The following PCSK5 variants were observed in gnomAD, a reference collection of about 807,000 sequenced individuals.
PCSK5 encodes the protein prohormone convertase 5.
PCSK5 carries 129 observed loss-of-function variants against 233.2 expected under a neutral mutation model. The ratio of observed to expected loss-of-function variants is 0.55; its 90% CI spans 0.48 to 0.64. The LOEUF is 0.64. Ranked by LOEUF, PCSK5 falls within the 30% of genes least tolerant of loss-of-function variation. The pLI is 0.00. For missense variants in PCSK5, 2,076 were observed against 2,430.1 expected, an observed-to-expected ratio of 0.85 and a Z score of 3.06; for synonymous variants, 825 against 879.2, an observed-to-expected ratio of 0.94 and a Z score of 1.09.
At chr9:76,095,749 A>G in intron 7 of PCSK5, 141 bp from the exon 8 acceptor site, 2 of 677,404 alleles carry the variant, frequency 3.0e-6, no homozygotes, top group South Asian at 3.7e-5. Flanking sequence ...CTCTTACTCC[A>G]CTCCCAGAAG....
At chr9:76,294,924 G>C (rs1051481809) in intron 25 of PCSK5, among the ~76,000 whole-genome samples, 2 of 152,070 alleles carry the variant, frequency 1.3e-5, no homozygotes, top group Non-Finnish European at 2.9e-5. Context: ...AGGCAGAGGT[G>C]GGCAGATCCC....
chr9:76,205,417 G>T (rs915927968), intron 20 of PCSK5, among the ~76,000 whole-genome samples: 2 of 152,162 alleles, frequency 1.3e-5, no homozygotes, highest in Non-Finnish European at 2.9e-5. Flanking sequence ...AAAAAAAACT[G>T]ATGAACAGGT....
intron 1 of PCSK5, among the ~76,000 whole-genome samples, chr9:75,892,777 C>G (rs1191376650): frequency 6.6e-6 from 1 of 152,144 alleles, no homozygotes; most frequent in African/African-American, 2.4e-5. Context: ...TTCAGAGGAG[C>G]AAGAGCACAA....
chr9:76,140,383 A>G (rs1373999524), intron 10 of PCSK5, among the ~76,000 whole-genome samples: 1 of 152,076 alleles, frequency 6.6e-6, no homozygotes, highest in Non-Finnish European at 1.5e-5. Context: ...TTTTTGAGGA[A>G]TGTGGATAGC....
chr9:76,298,171 A>C (rs1157259705), intron 27 of PCSK5, among the ~76,000 whole-genome samples: 1 of 152,126 alleles, frequency 6.6e-6, no homozygotes, highest in African/African-American at 2.4e-5. Context: ...CCAGGGAGCC[A>C]AGAGTTAGAG....
chr9:75,948,532 T>C (rs948748869), intron 2 of PCSK5, among the ~76,000 whole-genome samples: 1 of 152,112 alleles, frequency 6.6e-6, no homozygotes, highest in Non-Finnish European at 1.5e-5. Context: ...GGTGTATATG[T>C]GCCACATTTT....
chr9:76,015,739 G>T (rs1439097809), intron 3 of PCSK5, among the ~76,000 whole-genome samples: 2 of 152,178 alleles, frequency 1.3e-5, no homozygotes, highest in African/African-American at 4.8e-5. Flanking sequence ...AACTCTCAGA[G>T]AAGTGGCTTC....
At chr9:76,117,289 C>G (rs958224992) in intron 9 of PCSK5, among the ~76,000 whole-genome samples, 3 of 151,956 alleles carry the variant, frequency 2.0e-5, no homozygotes, top group Admixed American at 2.0e-4. Context: ...TCCAATAGAG[C>G]CTACATTTCA....
intron 5 of PCSK5, among the ~76,000 whole-genome samples, chr9:76,062,409 A>G (rs1028006506): frequency 4.6e-5 from 7 of 152,248 alleles, no homozygotes; most frequent in Admixed American, 4.6e-4. Context: ...AGCAAGAAAT[A>G]GAAATAGCTA....
chr9:75,905,466 G>T (rs74639060), intron 1 of PCSK5, among the ~76,000 whole-genome samples: 15 of 152,228 alleles, frequency 9.9e-5, no homozygotes, highest in Non-Finnish European at 1.9e-4. Flanking sequence ...TGCAGTAAGC[G>T]TAATGGTGCC....
rs184130276 is a variant in PCSK5 at position 76,313,025 on chromosome 9, G to A, written c.3884+2174G>A. Among the ~76,000 whole-genome samples the A allele has an allele frequency of 2.8e-4, 43 of 152,112 alleles. No homozygotes were observed. The East Asian group carries it at 7.7e-3, about 27-fold the overall frequency. The stretch of plus-strand genomic sequence containing the variant: ...TCACTATTTTTTGAATGCTTGCAAC[G>A]TCCAGGTATTGTGCTAAGGGCTGTA... On this transcript the variant is annotated intron_variant, in intron 30 of 37. Coordinates refer to ENST00000674117, the MANE Select transcript of PCSK5 (RefSeq NM_001372043.1).
At chr9:76,183,630 A>G (rs1162806715) in intron 16 of PCSK5, among the ~76,000 whole-genome samples, 5 of 152,214 alleles carry the variant, frequency 3.3e-5, no homozygotes, top group East Asian at 1.9e-4. Context: ...AGTGTTCTCA[A>G]TGAGACAGTG....
At chr9:76,242,464 T>G (rs1331475920) in intron 24 of PCSK5, among the ~76,000 whole-genome samples, 1 of 152,074 alleles carries the variant, frequency 6.6e-6, no homozygotes, top group Non-Finnish European at 1.5e-5. Context: ...CATAATAAAG[T>G]TAATAAACAC....
At chr9:76,009,668 A>C (rs1827644472) in intron 3 of PCSK5, among the ~76,000 whole-genome samples, 1 of 151,916 alleles carries the variant, frequency 6.6e-6, no homozygotes, top group Admixed American at 6.6e-5. Context: ...CTATTACCTT[A>C]AACTGTCACA....
intron 12 of PCSK5, among the ~76,000 whole-genome samples, chr9:76,165,582 G>A (rs1823053297): frequency 6.6e-6 from 1 of 152,168 alleles, no homozygotes; most frequent in Admixed American, 6.5e-5. Flanking sequence ...CCACTTGCAG[G>A]GATAGGGCTG....
intron 1 of PCSK5, among the ~76,000 whole-genome samples, chr9:75,920,840 A>T (rs1823226754): frequency 6.6e-6 from 1 of 151,962 alleles, no homozygotes; most frequent in South Asian, 2.1e-4. Flanking sequence ...AAAAACAAAT[A>T]AAAAAATGCT....
At chr9:75,967,617 G>A (rs1294485203) in intron 2 of PCSK5, among the ~76,000 whole-genome samples, 1 of 152,216 alleles carries the variant, frequency 6.6e-6, no homozygotes, top group Non-Finnish European at 1.5e-5. Flanking sequence ...TTAGTGGTAA[G>A]AGCATGCTAA....
chr9:76,249,704 G>T (rs1369090856), intron 24 of PCSK5, among the ~76,000 whole-genome samples: 2 of 152,184 alleles, frequency 1.3e-5, no homozygotes, highest in Non-Finnish European at 2.9e-5. Flanking sequence ...TAGGAGGATA[G>T]AAAGGGGTAT....
intron 20 of PCSK5, among the ~76,000 whole-genome samples, chr9:76,219,918 C>T (rs1226693199): frequency 1.3e-5 from 2 of 152,180 alleles, no homozygotes; most frequent in Admixed American, 6.5e-5. Flanking sequence ...ATCGCCTCAC[C>T]GTGAATGCAT....
Sources: gnomAD v4.1 joint callset for allele counts (sites outside exome capture counted in the v4.1 genomes callset) on GRCh38, gnomAD v4.1.1 for gene constraint, MANE v1.5 for transcripts, NCBI Gene and HGNC (gene_info 2026-07-23, HGNC 2026-07-21) for gene names.